GRID2: variants seen among roughly 807,000 people sequenced by gnomAD.
GRID2 encodes glutamate receptor ionotropic, delta-2.
In GRID2, 33 loss-of-function variants were observed where a neutral mutation model predicts 114.8. The ratio of observed to expected loss-of-function variants is 0.29; its 90% CI spans 0.22 to 0.38. The LOEUF is 0.38. Ranked by LOEUF, GRID2 falls within the 10% of genes least tolerant of loss-of-function variation. The pLI, the probability that GRID2 is intolerant of heterozygous loss-of-function variation, is 1.00. For synonymous variants in GRID2, 505 were observed against 449.9 expected (o/e 1.12, Z -1.55); for missense variants, 1,184 against 1,257.7 (o/e 0.94, Z 0.89).
chr4:93,688,525 A>G (rs1726272776), intron 14 of GRID2, among the ~76,000 whole-genome samples: 1 of 152,030 alleles, frequency 6.6e-6, no homozygotes, highest in South Asian at 2.1e-4. Context: ...CCAAAAGCAT[A>G]AGAGTAATAA....
chr4:93,266,603 G>A (rs1393769897), intron 8 of GRID2, among the ~76,000 whole-genome samples: 1 of 152,012 alleles, frequency 6.6e-6, no homozygotes, highest in Non-Finnish European at 1.5e-5. Flanking sequence ...TAGTAGAGAC[G>A]GGGTTTCACC....
At chr4:92,992,803 T>G (rs1416483204) in intron 2 of GRID2, among the ~76,000 whole-genome samples, 3 of 152,194 alleles carry the variant, frequency 2.0e-5, no homozygotes, top group Non-Finnish European at 2.9e-5. Flanking sequence ...AAACTTATAT[T>G]TGAGATGCCT....
chr4:93,266,602 C>T (rs1383110570), intron 8 of GRID2, among the ~76,000 whole-genome samples: 5 of 152,060 alleles, frequency 3.3e-5, no homozygotes, highest in Non-Finnish European at 5.9e-5. Flanking sequence ...TTAGTAGAGA[C>T]GGGGTTTCAC....
In GRID2 at chr4:93,237,560, A is replaced by C. The variant is rs186467107; in HGVS notation, c.1126-811A>C. Among the ~76,000 whole-genome samples the C allele has an allele frequency of 2.8e-3, 420 of 152,074 alleles. 1 individual carries two copies. The highest frequency in any genetic ancestry group is 5.1e-3 in the Non-Finnish European group (349 of 67,898). On this transcript the variant is annotated intron_variant, in intron 7 of 15. Transcript: ENST00000282020. Reference sequence around the variant, plus strand: ...TGTTTTCTAAATAAATGTCATTACCAGGCCAAAATTTTAAGTTAGACATAT... The same window carrying C: ...TGTTTTCTAAATAAATGTCATTACCCGGCCAAAATTTTAAGTTAGACATAT...
intron 2 of GRID2, among the ~76,000 whole-genome samples, chr4:92,791,355 T>C (rs187579140): frequency 6.6e-6 from 1 of 151,700 alleles, no homozygotes; most frequent in African/African-American, 2.4e-5. Context: ...AGGAATACCT[T>C]CCTCTTAGGG....
chr4:93,731,652 AC>A (rs1730493445), intron 14 of GRID2, among the ~76,000 whole-genome samples: 2 of 152,198 alleles, frequency 1.3e-5, no homozygotes, highest in African/African-American at 4.8e-5. Context: ...AGAGTCAGTG[AC>A]AGCTGAGTCA....
At chr4:92,399,665 CTATATATA>C (rs70940884) in intron 1 of GRID2, among the ~76,000 whole-genome samples, 1 of 133,854 alleles carries the variant, frequency 7.5e-6, no homozygotes, top group African/African-American at 3.2e-5. Context: ...CTCTCTCTCT[CTATATATA>C]TATATATATA....
At chr4:92,464,660 G>T (rs888742271) in intron 1 of GRID2, among the ~76,000 whole-genome samples, 2 of 152,004 alleles carry the variant, frequency 1.3e-5, no homozygotes, top group African/African-American at 4.8e-5. Context: ...AGACAAAAAA[G>T]ACAAGTTCAT....
chr4:92,567,721 A>G (rs1727403533), intron 1 of GRID2, among the ~76,000 whole-genome samples: 1 of 152,040 alleles, frequency 6.6e-6, no homozygotes, highest in Non-Finnish European at 1.5e-5. Context: ...TACTTTAAGT[A>G]TTCTTTAGAA....
intron 1 of GRID2, among the ~76,000 whole-genome samples, chr4:92,325,712 C>T (rs1300932655): frequency 6.6e-6 from 1 of 151,620 alleles, no homozygotes; most frequent in Non-Finnish European, 1.5e-5. Context: ...AAATAGGAAT[C>T]TTTCCAGTTA....
intron 14 of GRID2, among the ~76,000 whole-genome samples, chr4:93,671,633 G>A (rs1460115003): frequency 2.6e-5 from 4 of 152,118 alleles, no homozygotes; most frequent in Non-Finnish European, 4.4e-5. Flanking sequence ...AAACATGAAA[G>A]TTAAATGTAA....
In GRID2 at chr4:92,933,083, C is replaced by T. The variant is rs541962227; in HGVS notation, c.245-151912C>T. Among the ~76,000 whole-genome samples the T allele has an allele frequency of 1.4e-3, 209 of 150,712 alleles. 1 individual carries two copies. The highest frequency in any genetic ancestry group is 4.9e-3 in the African/African-American group (202 of 41,306). On this transcript the variant is annotated intron_variant, in intron 2 of 15. Transcript: ENST00000282020. ...AAACCTCTCCATTTTATTTTATATA[C>T]ATTATAATTCAAATACAACTGATAA...
intron 2 of GRID2, among the ~76,000 whole-genome samples, chr4:93,015,769 A>T (rs535243057): frequency 6.6e-6 from 1 of 152,120 alleles, no homozygotes; most frequent in African/African-American, 2.4e-5. Context: ...CAAAACAGGG[A>T]GTTTGGAACC....
At chr4:93,273,354 G>T (rs981699933) in intron 8 of GRID2, among the ~76,000 whole-genome samples, 3 of 152,034 alleles carry the variant, frequency 2.0e-5, no homozygotes, top group Non-Finnish European at 2.9e-5. Context: ...ATATCTGAAT[G>T]ATTTCATTTT....
chr4:93,221,749 A>G (rs955707173), intron 6 of GRID2, among the ~76,000 whole-genome samples: 1 of 151,620 alleles, frequency 6.6e-6, no homozygotes, highest in Non-Finnish European at 1.5e-5. Flanking sequence ...TGCAAAAGAA[A>G]AAGTGTCAGA....
rs567797985 is a variant in GRID2 at position 93,034,547 on chromosome 4, T to A, written c.245-50448T>A. Among the ~76,000 whole-genome samples, 4 of 152,262 alleles carry A rather than the reference T, an allele frequency of 2.6e-5. 1 individual carries two copies. The highest frequency in any genetic ancestry group is 9.6e-5 in the African/African-American group (4 of 41,554). ...TTGAACACGACTTCTACACGGCACG[T>A]CTGTTGATCTTGAACTGTTTTCTGT... is the stretch of plus-strand genomic sequence containing the variant. On this transcript the variant is annotated intron_variant, in intron 2 of 15. Coordinates refer to ENST00000282020, the MANE Select transcript of GRID2 (RefSeq NM_001510.4).
chr4:93,042,069 A>AT (rs1271417388), intron 2 of GRID2, among the ~76,000 whole-genome samples: 2 of 151,214 alleles, frequency 1.3e-5, no homozygotes, highest in Non-Finnish European at 2.9e-5. Flanking sequence ...TGCCTGGCTA[A>AT]TTTTTTTGTA....
chr4:93,187,038 A>T (rs184635687), intron 4 of GRID2, among the ~76,000 whole-genome samples: 1 of 152,296 alleles, frequency 6.6e-6, no homozygotes, highest in Admixed American at 6.5e-5. Flanking sequence ...GGTGATAATC[A>T]GCTTCCTCAC....
Position 92,866,866 on chromosome 4 carries a change from T to A in GRID2, c.245-218129T>A, listed in dbSNP as rs1744908451. Among the ~76,000 whole-genome samples, 3 of 152,286 alleles carry A rather than the reference T, an allele frequency of 2.0e-5. No homozygotes were observed. In the South Asian group the frequency reaches 6.2e-4, roughly 32 times the overall value. Reference sequence around the variant, plus strand: ...GCTCCCGGCCGATGTTATCCTCTTTTTGATAGCTAACTCACATATTCTCTG... The same window carrying A: ...GCTCCCGGCCGATGTTATCCTCTTTATGATAGCTAACTCACATATTCTCTG... On this transcript the variant is annotated intron_variant, in intron 2 of 15. Coordinates refer to ENST00000282020, the MANE Select transcript of GRID2 (RefSeq NM_001510.4).
Sources: gnomAD v4.1 joint callset for allele counts (sites outside exome capture counted in the v4.1 genomes callset) on GRCh38, gnomAD v4.1.1 for gene constraint, MANE v1.5 for transcripts, NCBI Gene and HGNC (gene_info 2026-07-23, HGNC 2026-07-21) for gene names.